ROBO1: variants seen among roughly 807,000 people sequenced by gnomAD.
ROBO1 encodes the protein roundabout homolog 1.
A neutral mutation model predicts 195.9 loss-of-function variants in ROBO1; 149 were observed. The ratio of observed to expected loss-of-function variants is 0.76; its 90% CI spans 0.67 to 0.87. ROBO1 has a LOEUF of 0.87. Among genes scored for constraint, ROBO1 ranks in the 40% least tolerant of loss-of-function variants. The pLI is 0.00. For missense variants in ROBO1, 1,933 were observed against 2,068.3 expected (o/e 0.93, Z 1.27); for synonymous variants, 816 against 733.2 (o/e 1.11, Z -1.82).
At chr3:79,178,757 A>G (rs2081295752) in intron 2 of ROBO1, among the ~76,000 whole-genome samples, 1 of 152,216 alleles carries the variant, frequency 6.6e-6, no homozygotes, top group Non-Finnish European at 1.5e-5. Flanking sequence ...CATCATAATC[A>G]CAGATGCTGG....
chr3:79,105,084 G>A (rs529216272), intron 3 of ROBO1, among the ~76,000 whole-genome samples: 209 of 151,814 alleles, frequency 1.4e-3, no homozygotes, highest in African/African-American at 4.8e-3. Flanking sequence ...AAAAAATCTA[G>A]GAGACCATCT....
At chr3:79,465,037 T>C (rs1356726733) in intron 2 of ROBO1, among the ~76,000 whole-genome samples, 2 of 152,152 alleles carry the variant, frequency 1.3e-5, no homozygotes, top group Non-Finnish European at 2.9e-5. Flanking sequence ...AAAGTAGAAT[T>C]CTAAGGGCAC....
chr3:78,995,247 C>A (rs1156611330), intron 3 of ROBO1, among the ~76,000 whole-genome samples: 1 of 152,126 alleles, frequency 6.6e-6, no homozygotes, highest in Non-Finnish European at 1.5e-5. Flanking sequence ...TTTCTACCTG[C>A]AAAGTATGTC....
intron 10 of ROBO1, among the ~76,000 whole-genome samples, chr3:78,682,287 A>C (rs572209811): frequency 1.1e-4 from 16 of 151,718 alleles, no homozygotes; most frequent in African/African-American, 3.6e-4. Context: ...TAAAACTTGA[A>C]ATATATATAT....
chr3:79,054,788 T>C (rs1369903278), intron 3 of ROBO1, among the ~76,000 whole-genome samples: 1 of 152,118 alleles, frequency 6.6e-6, no homozygotes, highest in African/African-American at 2.4e-5. Context: ...GGAATCCCCC[T>C]GCCACAGAAC....
chr3:79,545,867 C>T (rs1576001132), intron 2 of ROBO1, among the ~76,000 whole-genome samples: 1 of 152,158 alleles, frequency 6.6e-6, no homozygotes, highest in African/African-American at 2.4e-5. Flanking sequence ...TAGAGTTAAG[C>T]ATAAGATAGA....
At chr3:78,699,021 C>T (rs1362050208) in intron 8 of ROBO1, among the ~76,000 whole-genome samples, 1 of 152,102 alleles carries the variant, frequency 6.6e-6, no homozygotes, top group East Asian at 1.9e-4. Flanking sequence ...GGTAATATTC[C>T]CTACGTCCAC....
intron 2 of ROBO1, among the ~76,000 whole-genome samples, chr3:79,367,426 T>G (rs1194182155): frequency 2.0e-5 from 3 of 152,250 alleles, no homozygotes; most frequent in African/African-American, 7.2e-5. Context: ...GCAGCAATGC[T>G]GACTCTGATA....
chr3:78,746,920 T>C lies in ROBO1; in HGVS notation c.500-20A>G. On this transcript the variant is annotated intron_variant, in intron 4 of 30. Transcript: ENST00000464233. ...GAAGTACTGTAGGAACAAGATTAAA[T>C]CATTATACCCAAAAGTGATAGATAC... 1 of 1,498,490 alleles carries C rather than the reference T, an allele frequency of 6.7e-7. No homozygotes were observed. Among genetic ancestry groups the C allele is most frequent in the Admixed American group, 2.0e-5 (1 of 51,110 alleles). The allele number at this position is 1,498,490 out of a possible 1,614,324, so 92.8% of individuals were successfully genotyped here. A position where few individuals can be genotyped will look rare whatever the true frequency, so the allele number is the denominator to read the frequency against.
chr3:78,714,123 C>A (rs889575366), intron 8 of ROBO1, among the ~76,000 whole-genome samples: 3 of 152,110 alleles, frequency 2.0e-5, no homozygotes, highest in Non-Finnish European at 4.4e-5. Context: ...GCACATTCTT[C>A]GCCTCTACTT....
intron 1 of ROBO1, among the ~76,000 whole-genome samples, chr3:79,637,179 C>G (rs954156834): frequency 7.9e-5 from 12 of 152,038 alleles, no homozygotes; most frequent in Admixed American, 3.9e-4. Context: ...TGAAATAGAA[C>G]AAGTAATTAA....
intron 10 of ROBO1, among the ~76,000 whole-genome samples, chr3:78,683,169 C>T (rs1473847646): frequency 2.6e-5 from 4 of 151,852 alleles, no homozygotes; most frequent in African/African-American, 9.7e-5. Context: ...AATCATGAAA[C>T]ACCTAGGTAT....
At chr3:79,640,562 T>C (rs1289149717) in intron 1 of ROBO1, among the ~76,000 whole-genome samples, 5 of 152,166 alleles carry the variant, frequency 3.3e-5, no homozygotes, top group African/African-American at 1.2e-4. Context: ...TGATCAGCCA[T>C]TTCCATTACC....
chr3:78,666,490 T>A (rs923676266), intron 14 of ROBO1, among the ~76,000 whole-genome samples: 2 of 152,212 alleles, frequency 1.3e-5, no homozygotes, highest in Admixed American at 1.3e-4. Context: ...TGGAGACCAC[T>A]GTACTGGGGA....
intron 2 of ROBO1, among the ~76,000 whole-genome samples, chr3:79,537,113 A>AT (rs34450722): frequency 0.27 from 38,931 of 145,742 alleles, 7,397 homozygotes; most frequent in African/African-American, 0.54. Context: ...TCCTTTTTTT[A>AT]TTTTTTTTTT....
intron 3 of ROBO1, among the ~76,000 whole-genome samples, chr3:79,076,950 A>G (rs1312303617): frequency 6.6e-6 from 1 of 151,890 alleles, no homozygotes. Context: ...TAAGGCATGT[A>G]GTGAAGTTTT....
At chr3:79,305,487 C>CAA (rs755731665) in intron 2 of ROBO1, among the ~76,000 whole-genome samples, 186 of 54,254 alleles carry the variant, frequency 3.4e-3, no homozygotes, top group Non-Finnish European at 4.2e-3. Flanking sequence ...AACTCCATCT[C>CAA]AAAAAAAAAA....
intron 2 of ROBO1, among the ~76,000 whole-genome samples, chr3:79,323,981 A>T (rs2034098679): frequency 6.6e-6 from 1 of 152,194 alleles, no homozygotes; most frequent in African/African-American, 2.4e-5. Context: ...AAGACTGCAC[A>T]TGTGTACCAA....
rs1051537853 is a variant in ROBO1 at position 78,629,504 on chromosome 3, C to A, written c.3626+1657G>T. 3.3e-5 allele frequency among the ~76,000 whole-genome samples: 5 copies of A among 151,934 alleles called. No individual in the cohort carries two copies. In the East Asian group the frequency reaches 9.7e-4, roughly 29 times the overall value. On this transcript the variant is annotated intron_variant, in intron 25 of 30. Coordinates refer to ENST00000464233, the MANE Select transcript of ROBO1 (RefSeq NM_002941.4). ...ATCAGGAGTTCGAGAACAGCCTGGG[C>A]AACACAGTGAAATATCATCTCTACA...
Sources: allele counts gnomAD v4.1 joint callset (sites outside exome capture counted in the v4.1 genomes callset), GRCh38; gene constraint gnomAD v4.1.1; transcripts MANE v1.5; gene names NCBI Gene and HGNC (gene_info 2026-07-23, HGNC 2026-07-21).